TKTL2: variants seen among roughly 807,000 people sequenced by gnomAD.
TKTL2 encodes the protein transketolase-like protein 2.
For missense variants in TKTL2, 825 were observed against 799.4 expected (o/e 1.03, Z -0.39); for synonymous variants, 259 against 294.1 (o/e 0.88, Z 1.22).
At position 163,473,150 on chromosome 4, in the gene TKTL2, G is replaced by A. The variant is rs773453054; in HGVS notation, c.585C>T (p.Pro195=). The A allele has an allele frequency of 3.7e-6, 6 of 1,613,928 alleles. No individual in the cohort carries two copies. In the Admixed American group the frequency reaches 5.0e-5, roughly 13 times the overall value. Residue 195 remains proline (P), a synonymous_variant, in exon 1 of 1, where the codon CCC becomes CCT. Coordinates refer to ENST00000280605, the MANE Select transcript of TKTL2 (RefSeq NM_032136.5). ...GGTAGATGTCTGCGCCATGCTCAAG[G>A]GGTGCAGGGCCACTTTGTCCCAAGC... is the stretch of plus-strand genomic sequence containing the variant. ...VNRLGQSGPA[P]LEHGADIYQN...
Position 163,471,612 on chromosome 4 carries a change from A to G in TKTL2, c.*242T>C, listed in dbSNP as rs1260512936. On this transcript the variant is annotated 3_prime_UTR_variant, in exon 1 of 1. Coordinates refer to ENST00000280605, the MANE Select transcript of TKTL2 (RefSeq NM_032136.5). ...TGTTTTATTTCCTATTCTATTGCTT[A>G]CAATTTTAAAATCCACATTAATAAC... is the stretch of plus-strand genomic sequence containing the variant. The G allele has an allele frequency of 3.1e-6, 1 of 318,092 alleles. No homozygotes were observed. The highest frequency in any genetic ancestry group is 5.7e-6 in the Non-Finnish European group (1 of 176,818). The allele number at this position is 318,092 out of a possible 1,614,324, so 19.7% of individuals were successfully genotyped here.
Position 163,473,218 on chromosome 4 carries a change from G to C in TKTL2, c.517C>G (p.His173Asp). The change falls in exon 1 of 1, where the codon CAC becomes GAC. Residue 173 changes from histidine to aspartate, a missense_variant. Coordinates refer to ENST00000280605, the MANE Select transcript of TKTL2 (RefSeq NM_032136.5). ...SVWEAFAFAS[H>D]YNLDNLVAVF... ...GCCACGAGATTGTCCAAGTTGTAGT[G>C]GGAGGCAAAAGCAAAAGCCTCCCAC... The C allele has an allele frequency of 6.2e-7, 1 of 1,613,898 alleles. No individual in the cohort carries two copies. The highest frequency in any genetic ancestry group is 2.2e-5 in the East Asian group (1 of 44,850).
chr4:163,473,038 T>G lies in TKTL2; in HGVS notation c.697A>C (p.Ser233Arg). 6.2e-7 allele frequency: 1 copy of G among 1,614,206 alleles called. No individual in the cohort carries two copies. The change falls in exon 1 of 1, where the codon AGT becomes CGT. Residue 233 changes from serine (S) to arginine (R), a missense_variant. Ser to Arg is a moderately radical substitution (Grantham distance 110). Transcript: ENST00000280605. Reference protein sequence around the residue: ...EALCQAFWQASQVKNKPTAIV... With the variant: ...EALCQAFWQARQVKNKPTAIV... ...GCAGTAGGCTTGTTCTTCACTTGAC[T>G]TGCTTGCCAAAATGCTTGGCACAAG...
In TKTL2 at chr4:163,473,176, G is replaced by A. The variant is rs905050983; in HGVS notation, c.559C>T (p.Arg187Cys). The A allele has an allele frequency of 6.8e-6, 11 of 1,613,376 alleles. No homozygotes were observed. Among genetic ancestry groups the A allele is most frequent in the African/African-American group, 6.7e-5 (5 of 74,712 alleles). The change falls in exon 1 of 1, where the codon CGC becomes TGC. Residue 187 changes from arginine to cysteine, a missense_variant. Transcript: ENST00000280605. The stretch of plus-strand genomic sequence containing the variant: ...GGTGCAGGGCCACTTTGTCCCAAGC[G>A]GTTCACGTCGAAGACCGCCACGAGA... ...DNLVAVFDVN[R>C]LGQSGPAPLE...
In TKTL2 at chr4:163,471,790, T is replaced by C. The variant is rs1737168832; in HGVS notation, c.*64A>G. On this transcript the variant is annotated 3_prime_UTR_variant, in exon 1 of 1. Coordinates refer to ENST00000280605, the MANE Select transcript of TKTL2 (RefSeq NM_032136.5). ...TTTGTGACAATAAACATGAATTTAA[T>C]ACAAAGATACCAGTGCTTTTGGGCC... 3 of 1,305,078 alleles carry C rather than the reference T, an allele frequency of 2.3e-6. No individual in the cohort carries two copies. Among genetic ancestry groups the C allele is most frequent in the East Asian group, 2.4e-5 (1 of 42,048 alleles). 80.8% of individuals were successfully genotyped at this position (1,305,078 alleles called of 1,614,324 possible).
Position 163,472,926 on chromosome 4 carries a change from CTTTCTT to C in TKTL2, c.803_808del (p.Lys268_Glu269del), listed in dbSNP as rs1405491044. ...AATTAATTTGACAATTGCATCTGCT[CTTTCTT>C]TTGGCACTGGCTTTCCATGCCAATT... On this transcript the variant is annotated inframe_deletion, in exon 1 of 1. Transcript: ENST00000280605. 7 of 1,613,686 alleles carry C rather than the reference CTTTCTT, an allele frequency of 4.3e-6. No homozygotes were observed. The highest frequency in any genetic ancestry group is 5.9e-6 in the Non-Finnish European group (7 of 1,179,948).
chr4:163,473,614 A>T lies in TKTL2; in HGVS notation c.121T>A (p.Ser41Thr), dbSNP rs1560904769. The change falls in exon 1 of 1, where the codon TCG becomes ACG. Residue 41 changes from serine (S) to threonine (T), a missense_variant. By Grantham distance (58) the Ser-to-Thr change is moderately conservative. Coordinates refer to ENST00000280605, the MANE Select transcript of TKTL2 (RefSeq NM_032136.5). ...ACGACCTCCGCTGCACTGCAGCACGACGTGAGCTGGCCAGAACCAGAGGCA... is the reference window on the plus strand; with the variant it reads ...ACGACCTCCGCTGCACTGCAGCACGTCGTGAGCTGGCCAGAACCAGAGGCA... The part of the protein sequence containing the change: ...TCASGSGQLT[S>T]CCSAAEVVSV... 1 of 1,614,176 alleles carries T rather than the reference A, an allele frequency of 6.2e-7. No homozygotes were observed. The highest frequency in any genetic ancestry group is 8.5e-7 in the Non-Finnish European group (1 of 1,180,034).
Position 163,472,248 on chromosome 4 carries a change from G to T in TKTL2, c.1487C>A (p.Ala496Asp), listed in dbSNP as rs1737179828. The change falls in exon 1 of 1, where the codon GCC becomes GAC. Residue 496 changes from alanine (A) to aspartate (D), a missense_variant. Transcript: ENST00000280605. ...TPQENFEIGQAKVVRHGVNDK... is the reference protein window; with the variant it reads ...TPQENFEIGQDKVVRHGVNDK... Reference sequence around the variant, plus strand: ...ATTGACACCGTGGCGGACCACCTTGGCCTGGCCAATCTCAAAATTTTCTTG... The same window carrying T: ...ATTGACACCGTGGCGGACCACCTTGTCCTGGCCAATCTCAAAATTTTCTTG... 2 of 1,612,900 alleles carry T rather than the reference G, an allele frequency of 1.2e-6. No individual in the cohort carries two copies. Among genetic ancestry groups the T allele is most frequent in the Non-Finnish European group, 8.5e-7 (1 of 1,179,446 alleles).
Position 163,472,244 on chromosome 4 carries a change from C to G in TKTL2, c.1491G>C (p.Lys497Asn). ...TATCATTGACACCGTGGCGGACCACCTTGGCCTGGCCAATCTCAAAATTTT... is the reference window on the plus strand; with the variant it reads ...TATCATTGACACCGTGGCGGACCACGTTGGCCTGGCCAATCTCAAAATTTT... ...PQENFEIGQAKVVRHGVNDKV... is the reference protein window; with the variant it reads ...PQENFEIGQANVVRHGVNDKV... The change falls in exon 1 of 1, where the codon AAG (lysine) becomes AAC (asparagine). Residue 497 changes from lysine to asparagine, a missense_variant. Transcript: ENST00000280605. 1 of 1,613,548 alleles carries G rather than the reference C, an allele frequency of 6.2e-7. No homozygotes were observed. The highest frequency in any genetic ancestry group is 8.5e-7 in the Non-Finnish European group (1 of 1,179,692).
chr4:163,472,901 A>G lies in TKTL2; in HGVS notation c.834T>C (p.Ile278=). The change falls in exon 1 of 1, where the codon ATT becomes ATC. Residue 278 remains isoleucine, a synonymous_variant. Transcript: ENST00000280605. Reference sequence around the variant, plus strand: ...TCTCATTGGTCTGTATCTGACTCTCAATTAATTTGACAATTGCATCTGCTC... The same window carrying G: ...TCTCATTGGTCTGTATCTGACTCTCGATTAATTTGACAATTGCATCTGCTC... ...KERADAIVKL[I]ESQIQTNENL... 1.2e-6 allele frequency: 2 copies of G among 1,611,844 alleles called. No individual in the cohort carries two copies. Among genetic ancestry groups the G allele is most frequent in the Non-Finnish European group, 1.7e-6 (2 of 1,179,072 alleles).
chr4:163,472,761 T>C lies in TKTL2; in HGVS notation c.974A>G (p.Tyr325Cys). 6.3e-7 allele frequency: 1 copy of C among 1,585,314 alleles called. No individual in the cohort carries two copies. Among genetic ancestry groups the C allele is most frequent in the Non-Finnish European group, 8.6e-7 (1 of 1,166,322 alleles). Reference sequence around the variant, plus strand: ...GCCCAGTTTAGCCAGAGCCAAACCATATGTTTTCTGAGTAGCTATCTTGTC... The same window carrying C: ...GCCCAGTTTAGCCAGAGCCAAACCACATGTTTTCTGAGTAGCTATCTTGTC... ...VGDKIATQKT[Y>C]GLALAKLGRA... Residue 325 changes from tyrosine to cysteine, a missense_variant, in exon 1 of 1, where the codon TAT (tyrosine) becomes TGT (cysteine). Coordinates refer to ENST00000280605, the MANE Select transcript of TKTL2 (RefSeq NM_032136.5).
chr4:163,473,569 T>C lies in TKTL2; in HGVS notation c.166A>G (p.Thr56Ala). 1 of 1,614,044 alleles carries C rather than the reference T, an allele frequency of 6.2e-7. No individual in the cohort carries two copies. The highest frequency in any genetic ancestry group is 8.5e-7 in the Non-Finnish European group (1 of 1,180,006). Residue 56 changes from threonine (T) to alanine (A), a missense_variant, in exon 1 of 1, where the codon ACG (threonine) becomes GCG (alanine). Coordinates refer to ENST00000280605, the MANE Select transcript of TKTL2 (RefSeq NM_032136.5). ...GGGTCTGTCTGTTTATACTTCATCG[T>C]GTGGAAGAAGAGGACAGACACGACC... The part of the protein sequence containing the change: ...AEVVSVLFFH[T>A]MKYKQTDPEH...
Position 163,473,594 on chromosome 4 carries a change from C to T in TKTL2, c.141G>A (p.Glu47=), listed in dbSNP as rs767931089. 3.7e-6 allele frequency: 6 copies of T among 1,614,148 alleles called. No individual in the cohort carries two copies. Among genetic ancestry groups the T allele is most frequent in the South Asian group, 1.1e-5 (1 of 91,080 alleles). The part of the protein sequence containing the change: ...GQLTSCCSAA[E]VVSVLFFHTM... ...TGTGGAAGAAGAGGACAGACACGAC[C>T]TCCGCTGCACTGCAGCACGACGTGA... The change falls in exon 1 of 1, where the codon GAG becomes GAA. Residue 47 remains glutamate, a synonymous_variant. Transcript: ENST00000280605.
At position 163,472,497 on chromosome 4, in the gene TKTL2, T is replaced by C; in HGVS notation, c.1238A>G (p.Asn413Ser). 1.9e-6 allele frequency: 3 copies of C among 1,614,144 alleles called. No homozygotes were observed. The highest frequency in any genetic ancestry group is 1.7e-5 in the Admixed American group (1 of 60,012). The change falls in exon 1 of 1, where the codon AAT becomes AGT. Residue 413 changes from asparagine to serine, a missense_variant. Transcript: ENST00000280605. The part of the protein sequence containing the change: ...QLRMGAISQA[N>S]INLIGSHCGV... ...ACAGTGGGAACCAATAAGGTTGATATTGGCTTGAGAAATGGCTCCCATTCG... is the reference window on the plus strand; with the variant it reads ...ACAGTGGGAACCAATAAGGTTGATACTGGCTTGAGAAATGGCTCCCATTCG...
Position 163,471,989 on chromosome 4 carries a change from CCTGGAGACAG to C in TKTL2, c.1736_1745del (p.Ala579GlyfsTer36). ...GTTGATGAACAAGGATATCAGGCTC[CCTGGAGACAG>C]CTGCACAAACAGCTTCTCCAATGCC... On this transcript the variant is annotated frameshift_variant, in exon 1 of 1. Transcript: ENST00000280605. LOFTEE classifies it low-confidence loss of function (END_TRUNC). 1.2e-6 allele frequency: 2 copies of C among 1,613,226 alleles called. No homozygotes were observed. The highest frequency in any genetic ancestry group is 2.7e-5 in the African/African-American group (2 of 75,040).
Position 163,473,152 on chromosome 4 carries a change from G to T in TKTL2, c.583C>A (p.Pro195Thr), listed in dbSNP as rs766153281. 6.2e-7 allele frequency: 1 copy of T among 1,613,788 alleles called. No homozygotes were observed. The highest frequency in any genetic ancestry group is 1.7e-5 in the Admixed American group (1 of 59,980). ...VNRLGQSGPA[P>T]LEHGADIYQN... ...TAGATGTCTGCGCCATGCTCAAGGG[G>T]TGCAGGGCCACTTTGTCCCAAGCGG... is the stretch of plus-strand genomic sequence containing the variant. Residue 195 changes from proline (P) to threonine (T), a missense_variant, in exon 1 of 1, where the codon CCC becomes ACC. By Grantham distance (38) the Pro-to-Thr change is conservative. Transcript: ENST00000280605.
chr4:163,471,671 GGT>G lies in TKTL2; in HGVS notation c.*181_*182del. ...ACATTTATACATAGATTAACAGAAA[GGT>G]AAACTTTAATTTCCAAATTAGGAAT... On this transcript the variant is annotated 3_prime_UTR_variant, in exon 1 of 1. Coordinates refer to ENST00000280605, the MANE Select transcript of TKTL2 (RefSeq NM_032136.5). 1 of 439,414 alleles carries G rather than the reference GGT, an allele frequency of 2.3e-6. No homozygotes were observed. The highest frequency in any genetic ancestry group is 3.9e-6 in the Non-Finnish European group (1 of 256,640). 27.2% of individuals were successfully genotyped at this position (439,414 alleles called of 1,614,324 possible).
chr4:163,472,709 C>G lies in TKTL2; in HGVS notation c.1026G>C (p.Leu342=). The G allele has an allele frequency of 6.2e-7, 1 of 1,613,212 alleles. No individual in the cohort carries two copies. The highest frequency in any genetic ancestry group is 1.1e-5 in the South Asian group (1 of 90,904). ...AGGTGGAGTTCATCGTGTCACCACT[C>G]AGAACAATAACTCTTTCATTTGCAC... is the stretch of plus-strand genomic sequence containing the variant. ...LGRANERVIV[L]SGDTMNSTFS... is the part of the protein sequence containing the mutation. Residue 342 remains leucine (L), a synonymous_variant, in exon 1 of 1, where the codon CTG becomes CTC. Transcript: ENST00000280605.
rs1006255491 is a variant in TKTL2, at chr4:163,473,469, T to C, written c.266A>G (p.Glu89Gly). The change falls in exon 1 of 1, where the codon GAG becomes GGG. Residue 89 changes from glutamate to glycine, a missense_variant. By Grantham distance (98) the Glu-to-Gly change is moderately conservative. Coordinates refer to ENST00000280605, the MANE Select transcript of TKTL2 (RefSeq NM_032136.5). ...GTCAGATTCACTGATGTCACCCACC[T>C]CCACCCAAGCAGCATAGAGGATAGG... ...AAPILYAAWV[E>G]VGDISESDLL... 1.2e-6 allele frequency: 2 copies of C among 1,613,802 alleles called. No individual in the cohort carries two copies. Among genetic ancestry groups the C allele is most frequent in the African/African-American group, 2.7e-5 (2 of 74,848 alleles).
Sources: allele counts gnomAD v4.1 joint callset, GRCh38; gene constraint gnomAD v4.1.1; transcripts MANE v1.5; gene names NCBI Gene and HGNC (gene_info 2026-07-23, HGNC 2026-07-21).